The following PDCD6IP variants were observed in gnomAD, a reference collection of about 807,000 sequenced individuals.
PDCD6IP encodes programmed cell death 6-interacting protein.
In PDCD6IP, 43 loss-of-function variants were observed where a neutral mutation model predicts 103.7. The ratio of observed to expected loss-of-function variants is 0.41; its 90% CI spans 0.32 to 0.53. The LOEUF is 0.53. Among genes scored for constraint, PDCD6IP ranks in the 20% least tolerant of loss-of-function variants. PDCD6IP has a pLI of 0.16. For missense variants in PDCD6IP, 871 were observed against 1,036.7 expected (o/e 0.84, Z 2.20); for synonymous variants, 354 against 378.7 (o/e 0.93, Z 0.76).
chr3:33,827,007 A>G, intron 6 of PDCD6IP: 1 of 992,926 alleles, frequency 1.0e-6, no homozygotes, highest in South Asian at 4.5e-5. Flanking sequence ...TAAAGAAAAA[A>G]GGAAAAGAAA....
chr3:33,828,879 G>A lies in PDCD6IP; in HGVS notation c.744G>A (p.Lys248=). The change falls in exon 7 of 18, where the codon AAG becomes AAA. Residue 248 remains lysine (K), a synonymous_variant. Transcript: ENST00000307296. ...AGGTGTTCCCTGTCTTGGCTGCAAA[G>A]CACTGTATCATGCAGGCCAATGCTG... ...PKEVFPVLAA[K]HCIMQANAEY... 3 of 1,612,992 alleles carry A rather than the reference G, an allele frequency of 1.9e-6. No individual in the cohort carries two copies. The highest frequency in any genetic ancestry group is 2.5e-6 in the Non-Finnish European group (3 of 1,179,238).
intron 10 of PDCD6IP, among the ~76,000 whole-genome samples, chr3:33,842,875 T>G (rs1254189977): frequency 1.3e-5 from 2 of 152,220 alleles, no homozygotes. Context: ...TAGTGTTCAG[T>G]GAGTTTTGAT....
intron 1 of PDCD6IP, among the ~76,000 whole-genome samples, chr3:33,810,353 C>T (rs1053398489): frequency 2.6e-5 from 4 of 152,140 alleles, no homozygotes; most frequent in Admixed American, 6.5e-5. Context: ...CTTAAAGCTA[C>T]CTCCTGTGCC....
intron 1 of PDCD6IP, among the ~76,000 whole-genome samples, chr3:33,806,166 GC>G (rs1004931116): frequency 2.6e-5 from 4 of 152,116 alleles, no homozygotes; most frequent in African/African-American, 9.7e-5. Context: ...ATATATTTGT[GC>G]CAAAGTGGTT....
intron 11 of PDCD6IP, among the ~76,000 whole-genome samples, chr3:33,844,856 A>T (rs373564344): frequency 6.6e-6 from 1 of 152,046 alleles, no homozygotes; most frequent in African/African-American, 2.4e-5. Context: ...TTAGTAGTGA[A>T]TCCTGGGTGG....
At chr3:33,799,294 A>G (rs1362156184) in intron 1 of PDCD6IP, 2 of 227,814 alleles carry the variant, frequency 8.8e-6, no homozygotes, top group Non-Finnish European at 1.7e-5. Context: ...CTTTCGCCCC[A>G]TTTTTCCATC....
intron 10 of PDCD6IP, among the ~76,000 whole-genome samples, chr3:33,842,736 C>T (rs1002698788): frequency 5.3e-5 from 8 of 152,100 alleles, no homozygotes; most frequent in Non-Finnish European, 1.0e-4. Flanking sequence ...AAATCTTATG[C>T]GGTCATGGCA....
At chr3:33,839,617 A>G (rs1157226502) in intron 9 of PDCD6IP, among the ~76,000 whole-genome samples, 1 of 152,212 alleles carries the variant, frequency 6.6e-6, no homozygotes, top group Non-Finnish European at 1.5e-5. Context: ...TCTTGGGTAA[A>G]TACTTAGGAG....
intron 9 of PDCD6IP, among the ~76,000 whole-genome samples, chr3:33,839,072 G>T (rs9837386): frequency 0.028 from 4,193 of 152,232 alleles, 63 homozygotes; most frequent in African/African-American, 0.046. Context: ...CTCCCAAAGT[G>T]CTGGGATTAC....
chr3:33,813,501 A>C, intron 2 of PDCD6IP, 58 bp from the exon 3 acceptor site: 1 of 1,043,918 alleles, frequency 9.6e-7, no homozygotes, highest in African/African-American at 1.6e-5. Flanking sequence ...AGAAGACTTA[A>C]TATTTAATGA....
chr3:33,807,299 A>G (rs966724277), intron 1 of PDCD6IP, among the ~76,000 whole-genome samples: 6 of 152,172 alleles, frequency 3.9e-5, no homozygotes, highest in African/African-American at 1.4e-4. Flanking sequence ...CTGTTTTTGT[A>G]TGGCCTGTGA....
intron 6 of PDCD6IP, 22 bp downstream of exon 6, chr3:33,826,602 C>A: frequency 6.2e-7 from 1 of 1,609,546 alleles, no homozygotes; most frequent in East Asian, 2.2e-5. Context: ...TTTTTATAAA[C>A]ACTTGCTTAC....
rs373659635 is a variant in PDCD6IP at position 33,865,653 on chromosome 3, G to A, written c.2432+223G>A. Among the ~76,000 whole-genome samples, 20 of 152,184 alleles carry A rather than the reference G, an allele frequency of 1.3e-4. No homozygotes were observed. In the South Asian group the frequency reaches 1.7e-3, roughly 13 times the overall value. On this transcript the variant is annotated intron_variant, in intron 17 of 17. Coordinates refer to ENST00000307296, the MANE Select transcript of PDCD6IP (RefSeq NM_013374.6). The stretch of plus-strand genomic sequence containing the variant: ...TTTATGTTTTTATATTTTACATATT[G>A]GGTTTATATTAAATAATCTTTTCTG...
At position 33,844,190 on chromosome 3, in the gene PDCD6IP, C is replaced by T; in HGVS notation, c.1438C>T (p.Pro480Ser). ...ATTTAAGGAACGTTGGCAAAGGACA[C>T]CATCCAATGAACTGTATAAGCCTTT... ...AKFKERWQRT[P>S]SNELYKPLRA... Residue 480 changes from proline to serine, a missense_variant, in exon 11 of 18, where the codon CCA becomes TCA. Around this residue, in one of 5 missense-constraint regions of PDCD6IP, gnomAD observed 266 missense variants for 390.5 expected, o/e 0.68. Coordinates refer to ENST00000307296, the MANE Select transcript of PDCD6IP (RefSeq NM_013374.6). 6.2e-7 allele frequency: 1 copy of T among 1,603,232 alleles called. No individual in the cohort carries two copies. The highest frequency in any genetic ancestry group is 8.5e-7 in the Non-Finnish European group (1 of 1,176,730).
At chr3:33,846,492 G>T (rs1697594887) in intron 12 of PDCD6IP, among the ~76,000 whole-genome samples, 2 of 152,228 alleles carry the variant, frequency 1.3e-5, no homozygotes, top group Admixed American at 1.3e-4. Flanking sequence ...ATATAGGGAA[G>T]AAGTTTAAAA....
chr3:33,861,385 C>A lies in PDCD6IP; in HGVS notation c.2121-2621C>A, dbSNP rs1291779749. ...CTTGAACTCCTGACCTCCTGATCCACCCGCCTCGGCCTCCCAAAGTGCTGG... is the reference window on the plus strand; with the variant it reads ...CTTGAACTCCTGACCTCCTGATCCAACCGCCTCGGCCTCCCAAAGTGCTGG... On this transcript the variant is annotated intron_variant, in intron 15 of 17. Transcript: ENST00000307296. Among the ~76,000 whole-genome samples, 2 of 152,208 alleles carry A rather than the reference C, an allele frequency of 1.3e-5. 1 individual carries two copies. The highest frequency in any genetic ancestry group is 1.3e-4 in the Admixed American group (2 of 15,286).
chr3:33,855,725 C>T (rs530133017), intron 15 of PDCD6IP, among the ~76,000 whole-genome samples: 1 of 152,264 alleles, frequency 6.6e-6, no homozygotes, highest in African/African-American at 2.4e-5. Flanking sequence ...TACAGAGTAG[C>T]ACAGTGCTGA....
intron 10 of PDCD6IP, among the ~76,000 whole-genome samples, chr3:33,843,352 A>G (rs1410163037): frequency 6.6e-6 from 1 of 152,156 alleles, no homozygotes; most frequent in East Asian, 1.9e-4. Context: ...TTCTAAATTC[A>G]CAATCCAAGT....
chr3:33,848,203 C>T (rs1697636259), intron 12 of PDCD6IP, among the ~76,000 whole-genome samples: 1 of 152,006 alleles, frequency 6.6e-6, no homozygotes, highest in Non-Finnish European at 1.5e-5. Context: ...TTTTTGAAGG[C>T]CTACTATTCC....
Sources: allele counts gnomAD v4.1 joint callset (sites outside exome capture counted in the v4.1 genomes callset), GRCh38; gene constraint gnomAD v4.1.1; regional missense constraint gnomAD v4.1.1; transcripts MANE v1.5; gene names NCBI Gene and HGNC (gene_info 2026-07-23, HGNC 2026-07-21).